Variants in MOV10L1 observed in about 807,000 individuals in gnomAD.
MOV10L1 encodes Mov10 like RNA helicase 1.
MOV10L1 carries 110 observed loss-of-function variants against 143.8 expected under a neutral mutation model. The observed-to-expected ratio is 0.76, with a 90% CI of 0.66 to 0.90. The LOEUF (loss-of-function observed/expected upper bound fraction) is 0.90, where lower values mean the gene tolerates loss of function less well. MOV10L1 is among the 40% of genes least tolerant of loss of function. The pLI is 0.00. For missense variants in MOV10L1, 1,406 were observed against 1,526.8 expected (o/e 0.92, Z 1.32); for synonymous variants, 593 against 581.1 (o/e 1.02, Z -0.29).
chr22:50,114,453 A>T lies in MOV10L1; in HGVS notation c.957A>T (p.Arg319Ser), dbSNP rs373078864. The change falls in exon 7 of 27, where the codon AGA becomes AGT. Residue 319 changes from arginine to serine, a missense_variant. Transcript: ENST00000262794. ...GCTGGGATAAATCTAAACAATTCAGATTCCAAATGCTGGATAAAGACCAGA... is the reference window on the plus strand; with the variant it reads ...GCTGGGATAAATCTAAACAATTCAGTTTCCAAATGCTGGATAAAGACCAGA... The part of the protein sequence containing the change: ...LAGWDKSKQF[R>S]FQMLDKDQMC... 8 of 1,614,128 alleles carry T rather than the reference A, an allele frequency of 5.0e-6. No homozygotes were observed. In the African/African-American group the frequency reaches 9.3e-5, roughly 19 times the overall value.
At chr22:50,121,461 C>A (rs570657312) in intron 10 of MOV10L1, among the ~76,000 whole-genome samples, 1 of 151,518 alleles carries the variant, frequency 6.6e-6, no homozygotes, top group Non-Finnish European at 1.5e-5. Context: ...GCACTGGGAG[C>A]CCAAACTTAT....
intron 3 of MOV10L1, among the ~76,000 whole-genome samples, chr22:50,103,046 C>T (rs971945643): frequency 4.6e-5 from 7 of 152,220 alleles, no homozygotes; most frequent in Non-Finnish European, 7.4e-5. Flanking sequence ...ACAGGTGTGG[C>T]GGGAGGAGGG....
chr22:50,100,476 T>C (rs2061716492), intron 3 of MOV10L1, among the ~76,000 whole-genome samples: 1 of 152,108 alleles, frequency 6.6e-6, no homozygotes, highest in African/African-American at 2.4e-5. Context: ...GGGGATGACA[T>C]TGTACGTTTC....
chr22:50,133,473 A>G (rs955759483), intron 13 of MOV10L1, among the ~76,000 whole-genome samples: 6 of 148,884 alleles, frequency 4.0e-5, no homozygotes, highest in African/African-American at 1.5e-4. Context: ...AAAAAAAAAG[A>G]AAGAAAGAAT....
chr22:50,099,965 G>C (rs904222398), intron 3 of MOV10L1, among the ~76,000 whole-genome samples: 1 of 151,236 alleles, frequency 6.6e-6, no homozygotes, highest in Admixed American at 6.7e-5. Context: ...AGGGCACCAG[G>C]TCACTGTTTT....
At position 50,151,461 on chromosome 22, in the gene MOV10L1, A is replaced by G. The variant is rs574373386; in HGVS notation, c.2892+562A>G. On this transcript the variant is annotated intron_variant, in intron 21 of 26. Transcript: ENST00000262794. Reference sequence around the variant, plus strand: ...CATCAATAGAAAATGAGGGGCAGTTACCATGGGCAGACTTTCAGGGAAAAG... The same window carrying G: ...CATCAATAGAAAATGAGGGGCAGTTGCCATGGGCAGACTTTCAGGGAAAAG... 4.6e-5 allele frequency among the ~76,000 whole-genome samples: 7 copies of G among 152,372 alleles called. No homozygotes were observed. In the East Asian group the frequency reaches 1.3e-3, roughly 29 times the overall value.
At chr22:50,106,689 AGG>A (rs2061875626) in intron 3 of MOV10L1, among the ~76,000 whole-genome samples, 1 of 148,124 alleles carries the variant, frequency 6.8e-6, no homozygotes, top group African/African-American at 2.5e-5. Context: ...TTGTGGTTTT[AGG>A]ACATGGTCTT....
At chr22:50,143,417 G>A in intron 17 of MOV10L1, 196 bp downstream of exon 17, 1 of 632,688 alleles carries the variant, frequency 1.6e-6, no homozygotes, top group Admixed American at 2.9e-5. Flanking sequence ...GGTTTAGAAG[G>A]AAACTCATTT....
intron 15 of MOV10L1, among the ~76,000 whole-genome samples, chr22:50,137,802 T>TATATATATACATATATAAATATAC (rs1569025363): frequency 3.6e-5 from 2 of 54,986 alleles, no homozygotes; most frequent in African/African-American, 8.2e-5. Flanking sequence ...ATACATATTT[T>TATATATATACATATATAAATATAC]ATATATATAC....
At chr22:50,090,439 G>C in intron 1 of MOV10L1, 1 of 1,601,024 alleles carries the variant, frequency 6.2e-7, no homozygotes, top group East Asian at 2.3e-5. Flanking sequence ...CCCTCACTTT[G>C]TGTGTTTACG....
At position 50,156,049 on chromosome 22, in the gene MOV10L1, C is replaced by CTCAT. The variant is rs536661217; in HGVS notation, c.3067-1983_3067-1980dup. 6.5e-3 allele frequency among the ~76,000 whole-genome samples: 991 copies of CTCAT among 151,982 alleles called. 12 individuals carry two copies. Among genetic ancestry groups the CTCAT allele is most frequent in the African/African-American group, 0.021 (856 of 41,414 alleles). Reference sequence around the variant, plus strand: ...TCTGGGCGACAGAGTGAAACCCTGTCTCATTCATTCATTCATTCATTCATT... The same window carrying CTCAT: ...TCTGGGCGACAGAGTGAAACCCTGTCTCATTCATTCATTCATTCATTCATTCATT... On this transcript the variant is annotated intron_variant, in intron 22 of 26. Coordinates refer to ENST00000262794, the MANE Select transcript of MOV10L1 (RefSeq NM_018995.3).
Position 50,125,667 on chromosome 22 carries a change from C to T in MOV10L1, c.1747+98C>T, listed in dbSNP as rs936725080. 2.2e-4 allele frequency: 268 copies of T among 1,238,058 alleles called. 1 individual carries two copies. Among genetic ancestry groups the T allele is most frequent in the Middle Eastern group, 2.8e-4 (1 of 3,522 alleles). The allele number at this position is 1,238,058 out of a possible 1,614,324, so 76.7% of individuals were successfully genotyped here. On this transcript the variant is annotated intron_variant, in intron 11 of 26. Coordinates refer to ENST00000262794, the MANE Select transcript of MOV10L1 (RefSeq NM_018995.3). ...ACTGGCAATATGACAGTCACATTAT[C>T]GCATTTTCTTTCTTTTGGGTTAGAA...
At chr22:50,142,722 G>A (rs557970061) in intron 16 of MOV10L1, among the ~76,000 whole-genome samples, 116 of 151,924 alleles carry the variant, frequency 7.6e-4, no homozygotes, top group African/African-American at 2.7e-3. Context: ...TGTGGTCCCA[G>A]CTACCCGGGA....
chr22:50,160,892 A>T, intron 25 of MOV10L1, 67 bp downstream of exon 25: 2 of 1,613,182 alleles, frequency 1.2e-6, no homozygotes, highest in Non-Finnish European at 1.7e-6. Flanking sequence ...ACTCGGGGTG[A>T]GACGTACGAG....
intron 12 of MOV10L1, among the ~76,000 whole-genome samples, 153 bp from the exon 13 acceptor site, chr22:50,128,263 A>G (rs947428354): frequency 1.3e-5 from 2 of 152,200 alleles, no homozygotes; most frequent in African/African-American, 2.4e-5. Flanking sequence ...TGTTTGTATA[A>G]TCGAATGGCG....
chr22:50,161,506 C>T lies in MOV10L1; in HGVS notation c.*57C>T. ...GCTCAGCCTGGCCACGTTGCCGTTA[C>T]AGTCTGCTCCGTGGCTCCTGTGGCC... On this transcript the variant is annotated 3_prime_UTR_variant, in exon 27 of 27. Coordinates refer to ENST00000262794, the MANE Select transcript of MOV10L1 (RefSeq NM_018995.3). 3 of 1,500,316 alleles carry T rather than the reference C, an allele frequency of 2.0e-6. No individual in the cohort carries two copies. The highest frequency in any genetic ancestry group is 2.5e-5 in the East Asian group (1 of 40,662). The allele number at this position is 1,500,316 out of a possible 1,614,324, so 92.9% of individuals were successfully genotyped here.
At chr22:50,120,918 C>T (rs552509373) in intron 10 of MOV10L1, among the ~76,000 whole-genome samples, 13 of 152,314 alleles carry the variant, frequency 8.5e-5, no homozygotes, top group African/African-American at 2.4e-4. Context: ...TGGCCTCTCT[C>T]GCTAGACTAG....
chr22:50,141,019 G>A (rs978101191), intron 15 of MOV10L1, among the ~76,000 whole-genome samples: 1 of 151,456 alleles, frequency 6.6e-6, no homozygotes. Context: ...ACTTACATTG[G>A]AACACACAGA....
chr22:50,140,916 AATCT>A (rs974263471), intron 15 of MOV10L1, among the ~76,000 whole-genome samples: 17 of 152,256 alleles, frequency 1.1e-4, no homozygotes, highest in African/African-American at 3.9e-4. Context: ...TAGATTCCAG[AATCT>A]ATCCTATGAA....
Sources: gnomAD v4.1 joint callset for allele counts (sites outside exome capture counted in the v4.1 genomes callset) on GRCh38, gnomAD v4.1.1 for gene constraint, MANE v1.5 for transcripts, NCBI Gene and HGNC (gene_info 2026-07-23, HGNC 2026-07-21) for gene names.